Variants in SLC39A11 observed in about 807,000 individuals in gnomAD.
The protein encoded by SLC39A11 is zinc transporter ZIP11.
SLC39A11 carries 33 observed loss-of-function variants against 36.1 expected under a neutral mutation model. That is an observed-to-expected ratio of 0.91 (90% confidence interval 0.69 to 1.22). The LOEUF (loss-of-function observed/expected upper bound fraction) is 1.22. Ranked by LOEUF, SLC39A11 falls within the 50% of genes most tolerant of loss-of-function variation. The probability of loss-of-function intolerance (pLI) is 0.00; values close to 1 mark genes in which losing one functional copy is unlikely to be tolerated. For missense variants in SLC39A11, 432 were observed against 430.3 expected (o/e 1.00, Z -0.03); for synonymous variants, 166 against 170.3 (o/e 0.97, Z 0.20).
At chr17:73,065,636 C>A (rs932626914) in intron 3 of SLC39A11, among the ~76,000 whole-genome samples, 1 of 152,152 alleles carries the variant, frequency 6.6e-6, no homozygotes, top group Non-Finnish European at 1.5e-5. Context: ...ACAGCTAATT[C>A]TTGCTTCCAG....
intron 5 of SLC39A11, among the ~76,000 whole-genome samples, chr17:72,905,947 G>T (rs936848384): frequency 3.9e-5 from 6 of 152,074 alleles, no homozygotes; most frequent in Non-Finnish European, 7.4e-5. Flanking sequence ...TAGAGATGGG[G>T]TTTCACTGTG....
intron 3 of SLC39A11, among the ~76,000 whole-genome samples, chr17:73,069,288 C>T (rs1264781657): frequency 2.0e-5 from 3 of 152,194 alleles, no homozygotes; most frequent in Non-Finnish European, 2.9e-5. Flanking sequence ...CATGCTGACC[C>T]GCCTCATAAT....
intron 5 of SLC39A11, among the ~76,000 whole-genome samples, chr17:72,882,998 T>C (rs1356767657): frequency 6.6e-6 from 1 of 152,054 alleles, no homozygotes; most frequent in East Asian, 1.9e-4. Context: ...GGTTTCATCA[T>C]GTTGGCCAGG....
chr17:72,963,156 C>CT (rs201136018), intron 4 of SLC39A11, among the ~76,000 whole-genome samples: 11,515 of 136,674 alleles, frequency 0.084, 736 homozygotes, highest in African/African-American at 0.17. Flanking sequence ...GGGTATAATT[C>CT]TTTTTTTCCT....
chr17:73,044,390 C>T (rs1205725637), intron 3 of SLC39A11, among the ~76,000 whole-genome samples: 2 of 152,110 alleles, frequency 1.3e-5, no homozygotes, highest in Non-Finnish European at 2.9e-5. Flanking sequence ...ACTATCATGC[C>T]GACATTGGAT....
intron 4 of SLC39A11, among the ~76,000 whole-genome samples, chr17:72,948,684 G>T (rs1273109380): frequency 1.3e-5 from 2 of 152,194 alleles, no homozygotes; most frequent in Non-Finnish European, 2.9e-5. Flanking sequence ...CTTCAGCTTT[G>T]TCCTAACTAG....
chr17:73,087,075 A>G (rs2060757109), intron 2 of SLC39A11, among the ~76,000 whole-genome samples: 1 of 152,016 alleles, frequency 6.6e-6, no homozygotes, highest in Non-Finnish European at 1.5e-5. Flanking sequence ...AAAACAAACA[A>G]AAACAAAAAA....
intron 5 of SLC39A11, among the ~76,000 whole-genome samples, chr17:72,855,269 A>G (rs1284933238): frequency 6.6e-6 from 1 of 152,190 alleles, no homozygotes; most frequent in Non-Finnish European, 1.5e-5. Flanking sequence ...GGGCCCAATC[A>G]CACCAGCAAC....
chr17:73,058,479 T>G (rs890142720), intron 3 of SLC39A11, among the ~76,000 whole-genome samples: 1 of 152,132 alleles, frequency 6.6e-6, no homozygotes, highest in Non-Finnish European at 1.5e-5. Context: ...CCCCAGCACT[T>G]TTGCAGGCCC....
intron 4 of SLC39A11, among the ~76,000 whole-genome samples, chr17:72,949,144 C>CCTTTTTTTTTTT (rs2085660763): frequency 2.7e-5 from 1 of 36,474 alleles, no homozygotes; most frequent in African/African-American, 8.3e-5. Context: ...CACTGGGCAG[C>CCTTTTTTTTTTT]TTTTTTTTTT....
intron 2 of SLC39A11, among the ~76,000 whole-genome samples, chr17:73,088,408 A>C (rs2060810751): frequency 6.6e-6 from 1 of 152,198 alleles, no homozygotes; most frequent in Non-Finnish European, 1.5e-5. Flanking sequence ...CCTTCAAGTC[A>C]GGCTGTCAAG....
At chr17:72,895,077 A>G (rs1447161820) in intron 5 of SLC39A11, among the ~76,000 whole-genome samples, 2 of 150,790 alleles carry the variant, frequency 1.3e-5, no homozygotes, top group Non-Finnish European at 2.9e-5. Context: ...ACTTCAAGGT[A>G]GCTATTGCTA....
intron 3 of SLC39A11, chr17:73,068,129 T>C (rs2060051127): frequency 7.4e-7 from 1 of 1,356,994 alleles, no homozygotes; most frequent in African/African-American, 1.5e-5. Context: ...AATGTCAATT[T>C]TTTTCTTGGT....
chr17:72,657,107 A>G (rs1286530233), intron 7 of SLC39A11, among the ~76,000 whole-genome samples: 2 of 152,358 alleles, frequency 1.3e-5, no homozygotes, highest in East Asian at 3.9e-4. Flanking sequence ...CACGCCTGTA[A>G]TCCCAACACT....
chr17:72,836,358 T>G (rs1012599253), intron 6 of SLC39A11, among the ~76,000 whole-genome samples: 10 of 151,436 alleles, frequency 6.6e-5, no homozygotes, highest in African/African-American at 2.4e-4. Context: ...TTTTTTTTTT[T>G]GAGACAGGGT....
chr17:72,760,440 T>C (rs1157275273), intron 6 of SLC39A11, among the ~76,000 whole-genome samples: 2 of 152,218 alleles, frequency 1.3e-5, no homozygotes, highest in Non-Finnish European at 2.9e-5. Context: ...CTCCTATTGA[T>C]GAGGCTGGAC....
chr17:73,047,990 AATATATATATATAT>A (rs151142811), intron 3 of SLC39A11, among the ~76,000 whole-genome samples: 39 of 58,700 alleles, frequency 6.6e-4, no homozygotes, highest in Admixed American at 5.2e-3. Flanking sequence ...AAAAAAAAAA[AATATATATATATAT>A]ATATATATAT....
chr17:72,780,842 C>A (rs2076291565), intron 6 of SLC39A11, among the ~76,000 whole-genome samples: 1 of 152,088 alleles, frequency 6.6e-6, no homozygotes, highest in African/African-American at 2.4e-5. Flanking sequence ...ACAAAATTAG[C>A]TGGGCGTGGT....
At chr17:72,700,194 A>G (rs1259095915) in intron 7 of SLC39A11, among the ~76,000 whole-genome samples, 3 of 152,206 alleles carry the variant, frequency 2.0e-5, no homozygotes, top group Admixed American at 1.3e-4. Context: ...TAAAATCCGT[A>G]TTTCACATCC....
Sources: allele counts gnomAD v4.1 joint callset (sites outside exome capture counted in the v4.1 genomes callset), GRCh38; gene constraint gnomAD v4.1.1; transcripts MANE v1.5; gene names NCBI Gene and HGNC (gene_info 2026-07-23, HGNC 2026-07-21).